Variants in DNMBP observed in about 807,000 individuals in gnomAD.
DNMBP encodes dynamin-binding protein.
Under a neutral mutation model 150.0 loss-of-function variants are expected in DNMBP, and 87 were observed. That is an observed-to-expected ratio of 0.58 (90% CI 0.49 to 0.69). DNMBP has a LOEUF of 0.69. Among genes scored for constraint, DNMBP ranks in the 30% least tolerant of loss-of-function variants. The pLI is 0.00. For missense variants in DNMBP, 1,774 were observed against 1,949.0 expected (o/e 0.91, Z 1.69); for synonymous variants, 711 against 750.4 (o/e 0.95, Z 0.86).
intron 15 of DNMBP, among the ~76,000 whole-genome samples, chr10:99,883,622 CAG>C (rs1184696745): frequency 1.0e-5 from 1 of 98,986 alleles, no homozygotes; most frequent in Non-Finnish European, 1.9e-5. Context: ...GCCTGGATAA[CAG>C]AGCAAGACTG....
chr10:99,944,601 C>T (rs932075139), intron 4 of DNMBP, among the ~76,000 whole-genome samples: 2 of 152,050 alleles, frequency 1.3e-5, no homozygotes, highest in South Asian at 4.1e-4. Context: ...TAATGTTCAT[C>T]GCTATGTACC....
At chr10:99,978,629 A>G (rs2040752448) in intron 1 of DNMBP, among the ~76,000 whole-genome samples, 1 of 152,154 alleles carries the variant, frequency 6.6e-6, no homozygotes, top group South Asian at 2.1e-4. Flanking sequence ...CCTAGGCTAC[A>G]GTGCAGTGGC....
chr10:99,896,135 G>A, intron 10 of DNMBP, 132 bp downstream of exon 10: 2 of 1,032,128 alleles, frequency 1.9e-6, no homozygotes, highest in Non-Finnish European at 2.8e-6. Flanking sequence ...GGAGGGCCCT[G>A]TCTCCACCAG....
intron 1 of DNMBP, among the ~76,000 whole-genome samples, chr10:99,988,812 C>T (rs528695756): frequency 1.3e-5 from 2 of 152,120 alleles, no homozygotes; most frequent in Admixed American, 1.3e-4. Flanking sequence ...CAGGCATGAA[C>T]CACCATACCC....
At chr10:99,895,283 C>T (rs1002901084) in intron 10 of DNMBP, among the ~76,000 whole-genome samples, 5 of 152,060 alleles carry the variant, frequency 3.3e-5, no homozygotes, top group Admixed American at 1.3e-4. Flanking sequence ...TGCATCACCA[C>T]GCCCAGCTCA....
In DNMBP at chr10:99,876,939, A is replaced by T; in HGVS notation, c.*212T>A. ...GTCACTAAGTCATTTGCAAAGCCCC[A>T]GGGTCCATTTCAAATTCTAGAGATT... is the stretch of plus-strand genomic sequence containing the variant. On this transcript the variant is annotated 3_prime_UTR_variant, in exon 17 of 17. Coordinates refer to ENST00000324109, the MANE Select transcript of DNMBP (RefSeq NM_015221.4). 2.1e-6 allele frequency: 1 copy of T among 475,622 alleles called. No homozygotes were observed. Among genetic ancestry groups the T allele is most frequent in the Admixed American group, 4.2e-5 (1 of 24,090 alleles). 29.5% of individuals were successfully genotyped at this position (475,622 alleles called of 1,614,324 possible).
rs550543696 is a variant in DNMBP at position 99,923,648 on chromosome 10, G to A, written c.2261-14502C>T. 5.9e-5 allele frequency among the ~76,000 whole-genome samples: 9 copies of A among 152,138 alleles called. No homozygotes were observed. The East Asian group carries it at 7.7e-4, about 13-fold the overall frequency. On this transcript the variant is annotated intron_variant, in intron 4 of 16. Transcript: ENST00000324109. Reference sequence around the variant, plus strand: ...AGCTCCAACCCAAACTCCTACTGGCGTCTAAGATTTCAGTACTCTAGTTCT... The same window carrying A: ...AGCTCCAACCCAAACTCCTACTGGCATCTAAGATTTCAGTACTCTAGTTCT...
chr10:99,897,694 T>G (rs563156316), intron 9 of DNMBP, among the ~76,000 whole-genome samples: 1 of 152,274 alleles, frequency 6.6e-6, no homozygotes, highest in African/African-American at 2.4e-5. Flanking sequence ...CACAGCACTT[T>G]GGGAGGCTGA....
chr10:99,990,609 A>C (rs2040874288), intron 1 of DNMBP, among the ~76,000 whole-genome samples: 1 of 132,078 alleles, frequency 7.6e-6, no homozygotes, highest in Admixed American at 7.9e-5. Context: ...AAATTAATGA[A>C]TAAAAAAAAA....
At chr10:99,989,195 T>C (rs1003439818) in intron 1 of DNMBP, among the ~76,000 whole-genome samples, 8 of 152,246 alleles carry the variant, frequency 5.3e-5, no homozygotes, top group African/African-American at 1.9e-4. Context: ...ATCCATACCC[T>C]TTACTGTGTA....
Position 99,955,860 on chromosome 10 carries a change from T to C in DNMBP, c.1614A>G (p.Thr538=). 6 of 1,614,220 alleles carry C rather than the reference T, an allele frequency of 3.7e-6. No homozygotes were observed. The South Asian group carries it at 4.4e-5, about 12-fold the overall frequency. Residue 538 remains threonine, a synonymous_variant, in exon 4 of 17, where the codon ACA becomes ACG. Transcript: ENST00000324109. ...CAGTGCTGCCGTCTCCCTGTGAATG[T>C]GTTGCTGCTTCCATAACAAGCCCTT... ...QAQGLVMEAA[T]HSQGDGSTDL... is the part of the protein sequence containing the mutation.
intron 3 of DNMBP, among the ~76,000 whole-genome samples, chr10:99,960,235 A>T (rs1357240375): frequency 6.6e-6 from 1 of 152,206 alleles, no homozygotes; most frequent in Non-Finnish European, 1.5e-5. Context: ...GTTTTATAAC[A>T]AACTCTTGAT....
chr10:99,920,437 C>A (rs935147444), intron 4 of DNMBP, among the ~76,000 whole-genome samples: 2 of 151,986 alleles, frequency 1.3e-5, no homozygotes, highest in Admixed American at 6.6e-5. Flanking sequence ...GGGGTAAAGT[C>A]ACTTCATTCC....
chr10:99,887,137 G>A (rs2039481477), intron 12 of DNMBP, among the ~76,000 whole-genome samples: 1 of 150,556 alleles, frequency 6.6e-6, no homozygotes, highest in South Asian at 2.1e-4. Context: ...CACCCAGGCT[G>A]GAGTGCAGTG....
At chr10:99,987,017 T>C (rs946801730) in intron 1 of DNMBP, among the ~76,000 whole-genome samples, 7 of 151,784 alleles carry the variant, frequency 4.6e-5, no homozygotes, top group African/African-American at 1.7e-4. Context: ...TAGCCGGGTG[T>C]GGTGGCGGGC....
chr10:99,891,172 C>G (rs986108248), intron 11 of DNMBP, among the ~76,000 whole-genome samples: 2 of 145,664 alleles, frequency 1.4e-5, no homozygotes, highest in Non-Finnish European at 3.0e-5. Context: ...CTCCCCCTCT[C>G]CCTCCCCCTC....
chr10:100,009,572 C>T (rs542946939), intron 1 of DNMBP, among the ~76,000 whole-genome samples: 1 of 152,336 alleles, frequency 6.6e-6, no homozygotes, highest in East Asian at 1.9e-4. Flanking sequence ...GAAAAGCCCA[C>T]GTTCGCATTG....
intron 3 of DNMBP, chr10:99,958,386 A>G (rs2040523247): frequency 6.6e-6 from 1 of 152,256 alleles, no homozygotes; most frequent in Non-Finnish European, 1.5e-5. Context: ...GCTGAGGAGA[A>G]GCACGAGTAA....
At chr10:99,925,241 G>A (rs765203310) in intron 4 of DNMBP, among the ~76,000 whole-genome samples, 10 of 152,170 alleles carry the variant, frequency 6.6e-5, no homozygotes, top group Admixed American at 1.3e-4. Flanking sequence ...ATGTGGTAAT[G>A]CTGGAAAAGC....
Sources: allele counts gnomAD v4.1 joint callset (sites outside exome capture counted in the v4.1 genomes callset), GRCh38; gene constraint gnomAD v4.1.1; transcripts MANE v1.5; gene names NCBI Gene and HGNC (gene_info 2026-07-23, HGNC 2026-07-21).